Variants in CHRM3 observed in about 807,000 individuals in gnomAD.
CHRM3 encodes cholinergic receptor muscarinic 3, also known as muscarinic acetylcholine receptor M3.
CHRM3 carries 11 observed loss-of-function variants against 41.8 expected under a neutral mutation model. The observed-to-expected ratio is 0.26, with a 90% CI of 0.17 to 0.44. The LOEUF (loss-of-function observed/expected upper bound fraction) is 0.44, where lower values mean the gene tolerates loss of function less well. CHRM3 is among the 20% of genes least tolerant of loss of function. CHRM3 has a pLI of 1.00. For missense variants in CHRM3, 571 were observed against 745.4 expected, an observed-to-expected ratio of 0.77 and a Z score of 2.72; for synonymous variants, 297 against 301.4, an observed-to-expected ratio of 0.99 and a Z score of 0.15.
intron 3 of CHRM3, among the ~76,000 whole-genome samples, chr1:239,569,630 GAAA>G (rs1399344518): frequency 6.6e-6 from 1 of 152,102 alleles, no homozygotes; most frequent in African/African-American, 2.4e-5. Context: ...TATGAAATAA[GAAA>G]AAGTAATTGA....
intron 3 of CHRM3, among the ~76,000 whole-genome samples, chr1:239,575,343 A>T (rs1268656736): frequency 6.6e-6 from 1 of 152,164 alleles, no homozygotes; most frequent in East Asian, 1.9e-4. Flanking sequence ...GGTGTTTCTT[A>T]TACCTCCGGC....
chr1:239,892,370 A>G (rs965470681), intron 6 of CHRM3, among the ~76,000 whole-genome samples: 1 of 152,216 alleles, frequency 6.6e-6, no homozygotes, highest in Non-Finnish European at 1.5e-5. Context: ...CATTGAAATA[A>G]TCATCTTTTA....
At chr1:239,413,096 G>GAAA (rs11392278) in intron 1 of CHRM3, among the ~76,000 whole-genome samples, 4 of 148,064 alleles carry the variant, frequency 2.7e-5, no homozygotes, top group Non-Finnish European at 3.0e-5. Context: ...AAACAAAAAT[G>GAAA]AAAAAAAAAA....
chr1:239,547,217 C>G (rs1659381525), intron 3 of CHRM3, among the ~76,000 whole-genome samples: 1 of 152,146 alleles, frequency 6.6e-6, no homozygotes, highest in African/African-American at 2.4e-5. Context: ...CTGAAGTATG[C>G]AGGATCTATA....
At chr1:239,438,499 C>T (rs574428383) in intron 1 of CHRM3, among the ~76,000 whole-genome samples, 4 of 152,142 alleles carry the variant, frequency 2.6e-5, no homozygotes, top group Admixed American at 2.0e-4. Context: ...ACCCTGGTGG[C>T]GTTCACTTCT....
chr1:239,853,492 T>C (rs1020171774), intron 6 of CHRM3, among the ~76,000 whole-genome samples: 9 of 152,148 alleles, frequency 5.9e-5, no homozygotes, highest in African/African-American at 1.9e-4. Flanking sequence ...AATGAAAATA[T>C]TATTTTTTCT....
chr1:239,772,235 C>G (rs986657581), intron 5 of CHRM3, among the ~76,000 whole-genome samples: 4 of 152,130 alleles, frequency 2.6e-5, no homozygotes, highest in African/African-American at 7.2e-5. Context: ...ATTGTAACCT[C>G]TGCCTCCCGG....
intron 5 of CHRM3, among the ~76,000 whole-genome samples, chr1:239,802,945 C>A (rs1487425937): frequency 6.6e-6 from 1 of 152,150 alleles, no homozygotes; most frequent in Non-Finnish European, 1.5e-5. Context: ...CTTTGAGGTG[C>A]AAGGAAGCTG....
rs1414944477 is a variant in CHRM3, at chr1:239,556,119, A to G, written c.-313+10370A>G. Among the ~76,000 whole-genome samples, 4 of 152,184 alleles carry G rather than the reference A, an allele frequency of 2.6e-5. No individual in the cohort carries two copies. In the East Asian group the frequency reaches 7.7e-4, roughly 29 times the overall value. The stretch of plus-strand genomic sequence containing the variant: ...AGGAAATGAGAAACATTAACTACGC[A>G]TGTACCTTTAAAAATATTTTCTTTT... On this transcript the variant is annotated intron_variant, in intron 3 of 6. Transcript: ENST00000676153.
At chr1:239,551,098 A>G (rs1331408688) in intron 3 of CHRM3, among the ~76,000 whole-genome samples, 1 of 143,934 alleles carries the variant, frequency 6.9e-6, no homozygotes, top group African/African-American at 2.6e-5. Flanking sequence ...GTCCCCTAAC[A>G]TTAGTCATTT....
intron 5 of CHRM3, among the ~76,000 whole-genome samples, chr1:239,768,136 C>T (rs1432856701): frequency 6.6e-6 from 1 of 152,302 alleles, no homozygotes; most frequent in Admixed American, 6.5e-5. Flanking sequence ...CATTGCAAGT[C>T]ATCTCAGAGG....
intron 1 of CHRM3, among the ~76,000 whole-genome samples, chr1:239,404,344 GAGAAAGAGAAAGAA>G (rs1484026039): frequency 1.7e-5 from 2 of 116,296 alleles, no homozygotes; most frequent in African/African-American, 3.3e-5. Flanking sequence ...AAGAAAGAAA[GAGAAAGAGAAAGAA>G]AGAAAGAAAG....
intron 6 of CHRM3, among the ~76,000 whole-genome samples, chr1:239,843,140 G>A (rs941628290): frequency 1.4e-4 from 21 of 152,108 alleles, no homozygotes; most frequent in African/African-American, 5.1e-4. Context: ...AATTTACTTC[G>A]CTCAAACAAG....
intron 1 of CHRM3, among the ~76,000 whole-genome samples, chr1:239,412,553 C>T (rs897888898): frequency 2.0e-5 from 3 of 150,886 alleles, no homozygotes; most frequent in Non-Finnish European, 2.9e-5. Flanking sequence ...GTACGTGCCT[C>T]TGCTGGTTAT....
chr1:239,776,302 G>T (rs995010804), intron 5 of CHRM3, among the ~76,000 whole-genome samples: 1 of 152,140 alleles, frequency 6.6e-6, no homozygotes, highest in Non-Finnish European at 1.5e-5. Flanking sequence ...GCCTTATAAG[G>T]TTGTCATAAG....
intron 3 of CHRM3, among the ~76,000 whole-genome samples, chr1:239,546,799 C>T (rs17646815): frequency 0.38 from 58,267 of 151,896 alleles, 13,895 homozygotes; most frequent in East Asian, 0.6. Flanking sequence ...CTTATGTGTA[C>T]TTTAGTTTCA....
intron 1 of CHRM3, among the ~76,000 whole-genome samples, chr1:239,452,903 C>G (rs1664659631): frequency 6.6e-6 from 1 of 152,110 alleles, no homozygotes; most frequent in Non-Finnish European, 1.5e-5. Context: ...CGGGTTCACG[C>G]CATTCTCCTG....
intron 3 of CHRM3, among the ~76,000 whole-genome samples, chr1:239,562,493 A>C (rs1660951353): frequency 6.6e-6 from 1 of 152,184 alleles, no homozygotes; most frequent in South Asian, 2.1e-4. Context: ...TATCATTTCT[A>C]TCATTCAAAC....
chr1:239,727,523 CT>C (rs1663556169), intron 5 of CHRM3: 1 of 151,678 alleles, frequency 6.6e-6, no homozygotes, highest in East Asian at 1.9e-4. Flanking sequence ...GCTGTATGTG[CT>C]TTTATAATGA....
Sources: allele counts gnomAD v4.1 joint callset (sites outside exome capture counted in the v4.1 genomes callset), GRCh38; gene constraint gnomAD v4.1.1; transcripts MANE v1.5; gene names NCBI Gene and HGNC (gene_info 2026-07-23, HGNC 2026-07-21).